Variants in ADAMTS3 observed in about 807,000 individuals in gnomAD.
ADAMTS3 encodes A disintegrin and metalloproteinase with thrombospondin motifs 3.
Under a neutral mutation model 129.0 loss-of-function variants are expected in ADAMTS3, and 73 were observed. The observed-to-expected ratio is 0.57, with a 90% CI of 0.47 to 0.69. The LOEUF (loss-of-function observed/expected upper bound fraction) is 0.69, where lower values mean the gene tolerates loss of function less well. Among genes scored for constraint, ADAMTS3 ranks in the 30% least tolerant of loss-of-function variants. The probability of loss-of-function intolerance (pLI) is 0.00; values close to 1 mark genes in which losing one functional copy is unlikely to be tolerated. For synonymous variants in ADAMTS3, 477 were observed against 510.8 expected (o/e 0.93, Z 0.89); for missense variants, 1,457 against 1,514.5 (o/e 0.96, Z 0.63).
chr4:72,457,564 C>T (rs1718657764), intron 3 of ADAMTS3, among the ~76,000 whole-genome samples: 1 of 151,594 alleles, frequency 6.6e-6, no homozygotes, highest in Non-Finnish European at 1.5e-5. Context: ...AAAGATGGTT[C>T]TGTTACCAAT....
At chr4:72,537,677 G>T (rs35735987) in intron 3 of ADAMTS3, among the ~76,000 whole-genome samples, 36,165 of 152,020 alleles carry the variant, frequency 0.24, 4,840 homozygotes, top group East Asian at 0.44. Flanking sequence ...CTGATTTCCA[G>T]AGATACAACA....
chr4:72,382,763 T>C (rs776169143), intron 4 of ADAMTS3, among the ~76,000 whole-genome samples: 34 of 152,026 alleles, frequency 2.2e-4, no homozygotes, highest in Non-Finnish European at 4.6e-4. Context: ...TTATCCTAAG[T>C]AAAACAACTC....
intron 4 of ADAMTS3, among the ~76,000 whole-genome samples, chr4:72,379,320 G>A: frequency 6.6e-6 from 1 of 152,014 alleles, no homozygotes; most frequent in Non-Finnish European, 1.5e-5. Context: ...CGAGGCCACA[G>A]GGGCAAGGCA....
chr4:72,363,661 G>A (rs561295958), intron 4 of ADAMTS3, among the ~76,000 whole-genome samples: 2 of 152,146 alleles, frequency 1.3e-5, no homozygotes, highest in African/African-American at 4.8e-5. Flanking sequence ...AATCTGTTAT[G>A]TAATAAACGG....
At chr4:72,320,478 C>T (rs1719523860) in intron 7 of ADAMTS3, among the ~76,000 whole-genome samples, 1 of 152,114 alleles carries the variant, frequency 6.6e-6, no homozygotes, top group Non-Finnish European at 1.5e-5. Flanking sequence ...CTCCATGCCC[C>T]AAATGCACAA....
intron 4 of ADAMTS3, among the ~76,000 whole-genome samples, chr4:72,381,794 C>A (rs1445909719): frequency 3.3e-5 from 5 of 152,156 alleles, no homozygotes; most frequent in Admixed American, 3.3e-4. Flanking sequence ...AGGCTAGGAT[C>A]TACACACCAC....
chr4:72,535,507 T>A (rs1246986522), intron 3 of ADAMTS3, among the ~76,000 whole-genome samples: 1 of 152,190 alleles, frequency 6.6e-6, no homozygotes, highest in Non-Finnish European at 1.5e-5. Flanking sequence ...CAGACAGAAG[T>A]AGACCTTCCA....
In ADAMTS3 at chr4:72,548,663, C is replaced by G. The variant is rs753139503; in HGVS notation, c.319G>C (p.Val107Leu). 1 of 1,614,048 alleles carries G rather than the reference C, an allele frequency of 6.2e-7. No homozygotes were observed. The highest frequency in any genetic ancestry group is 2.2e-5 in the East Asian group (1 of 44,884). ...AGAGATGTCTCATGCCACTCCACAACAGCCCCAGGAGCTACTAGTTGAGTG... is the reference window on the plus strand; with the variant it reads ...AGAGATGTCTCATGCCACTCCACAAGAGCCCCAGGAGCTACTAGTTGAGTG... Reference protein sequence around the residue: ...PNTQLVAPGAVVEWHETSLVP... With the variant: ...PNTQLVAPGALVEWHETSLVP... The change falls in exon 3 of 22, where the codon GTT becomes CTT. Residue 107 changes from valine to leucine, a missense_variant. Val to Leu is a conservative substitution (Grantham distance 32). Transcript: ENST00000286657.
In ADAMTS3 at chr4:72,339,560, A is replaced by G. The variant is rs757956811; in HGVS notation, c.795T>C (p.Asp265=). The change falls in exon 5 of 22, where the codon GAT becomes GAC. Residue 265 remains aspartate, a synonymous_variant. Transcript: ENST00000286657. ...TGCCATGGAAACGGACCACAGAGTCATCCACTCCCAGCAGTACCTCGATAT... is the reference window on the plus strand; with the variant it reads ...TGCCATGGAAACGGACCACAGAGTCGTCCACTCCCAGCAGTACCTCGATAT... The part of the protein sequence containing the change: ...DYNIEVLLGV[D]DSVVRFHGKE... 1 of 1,613,982 alleles carries G rather than the reference A, an allele frequency of 6.2e-7. No homozygotes were observed. Among genetic ancestry groups the G allele is most frequent in the South Asian group, 1.1e-5 (1 of 91,076 alleles).
At chr4:72,436,412 T>C (rs1054524362) in intron 3 of ADAMTS3, among the ~76,000 whole-genome samples, 3 of 152,186 alleles carry the variant, frequency 2.0e-5, no homozygotes, top group Non-Finnish European at 2.9e-5. Context: ...TTGGTGGGAC[T>C]GTAAACTTGT....
In ADAMTS3 at chr4:72,532,396, T is replaced by C. The variant is rs568726549; in HGVS notation, c.504+16082A>G. 5.9e-5 allele frequency among the ~76,000 whole-genome samples: 9 copies of C among 152,146 alleles called. No individual in the cohort carries two copies. In the South Asian group the frequency reaches 1.7e-3, roughly 28 times the overall value. On this transcript the variant is annotated intron_variant, in intron 3 of 21. Transcript: ENST00000286657. The stretch of plus-strand genomic sequence containing the variant: ...TTTCCAGGGAAATGGAAATCATCAA[T>C]AGAGCTGGCACAACACTCCTATCTT...
intron 4 of ADAMTS3, among the ~76,000 whole-genome samples, chr4:72,374,680 T>C (rs1225876402): frequency 6.6e-6 from 1 of 152,218 alleles, no homozygotes; most frequent in Non-Finnish European, 1.5e-5. Flanking sequence ...CAGTTATACA[T>C]TTCAAGAGAA....
Position 72,409,315 on chromosome 4 carries a change from T to A in ADAMTS3, c.661+5500A>T, listed in dbSNP as rs540254840. ...TATGAACTGCTTCCTCATGAATCAG[T>A]AATTGATACAGCTTTTTTCTGAGTA... is the stretch of plus-strand genomic sequence containing the variant. On this transcript the variant is annotated intron_variant, in intron 4 of 21. Transcript: ENST00000286657. 2.6e-5 allele frequency among the ~76,000 whole-genome samples: 4 copies of A among 152,312 alleles called. No homozygotes were observed. In the South Asian group the frequency reaches 8.3e-4, roughly 32 times the overall value.
At chr4:72,555,626 A>G (rs920976018) in intron 2 of ADAMTS3, among the ~76,000 whole-genome samples, 3 of 151,892 alleles carry the variant, frequency 2.0e-5, no homozygotes, top group Non-Finnish European at 4.4e-5. Flanking sequence ...TCATCCTTTC[A>G]GAAACTATAA....
At chr4:72,418,928 ATTTTCT>A (rs1217910185) in intron 3 of ADAMTS3, among the ~76,000 whole-genome samples, 1 of 151,862 alleles carries the variant, frequency 6.6e-6, no homozygotes, top group East Asian at 1.9e-4. Flanking sequence ...ATTTTGTTCA[ATTTTCT>A]TTTTCTTTTT....
At chr4:72,371,843 T>C (rs939225400) in intron 4 of ADAMTS3, among the ~76,000 whole-genome samples, 1 of 151,956 alleles carries the variant, frequency 6.6e-6, no homozygotes, top group Non-Finnish European at 1.5e-5. Context: ...TCATAGAACA[T>C]TGGTTTATTG....
intron 2 of ADAMTS3, among the ~76,000 whole-genome samples, chr4:72,567,051 G>T (rs148463647): frequency 1.7e-3 from 265 of 152,256 alleles, no homozygotes; most frequent in African/African-American, 6.1e-3. Context: ...AGAAGTTGAT[G>T]ATTTTATTTC....
chr4:72,319,530 A>G (rs1719496881), intron 8 of ADAMTS3, 55 bp from the exon 9 acceptor site: 3 of 1,551,580 alleles, frequency 1.9e-6, no homozygotes, highest in Non-Finnish European at 2.6e-6. Context: ...CCTTCACTTA[A>G]TTTTGGTTTT....
At chr4:72,487,118 G>T (rs1425947603) in intron 3 of ADAMTS3, among the ~76,000 whole-genome samples, 1 of 152,038 alleles carries the variant, frequency 6.6e-6, no homozygotes, top group Non-Finnish European at 1.5e-5. Context: ...GTATGCCAAA[G>T]GTTGTTGTAG....
Sources: gnomAD v4.1 joint callset for allele counts (sites outside exome capture counted in the v4.1 genomes callset) on GRCh38, gnomAD v4.1.1 for gene constraint, MANE v1.5 for transcripts, NCBI Gene and HGNC (gene_info 2026-07-23, HGNC 2026-07-21) for gene names.